Variants in DAB1 observed in about 807,000 individuals in gnomAD.
DAB1 encodes disabled homolog 1.
Under a neutral mutation model 64.6 loss-of-function variants are expected in DAB1, and 15 were observed. The ratio of observed to expected loss-of-function variants is 0.23; its 90% CI spans 0.16 to 0.36. The LOEUF (loss-of-function observed/expected upper bound fraction) is 0.36. Ranked by LOEUF, DAB1 falls within the 10% of genes least tolerant of loss-of-function variation. The probability of loss-of-function intolerance (pLI) is 1.00; values close to 1 mark genes in which losing one functional copy is unlikely to be tolerated. For missense variants in DAB1, 596 were observed against 706.7 expected (o/e 0.84, Z 1.78); for synonymous variants, 235 against 251.9 (o/e 0.93, Z 0.64).
At chr1:58,008,582 G>A (rs1041437076) in intron 5 of DAB1, among the ~76,000 whole-genome samples, 21 of 152,130 alleles carry the variant, frequency 1.4e-4, no homozygotes, top group East Asian at 3.9e-4. Flanking sequence ...CAATCATAGC[G>A]GTTCGGTGTG....
intron 1 of DAB1, among the ~76,000 whole-genome samples, chr1:57,848,304 T>A (rs1178139492): frequency 1.3e-5 from 2 of 152,214 alleles, no homozygotes; most frequent in African/African-American, 4.8e-5. Flanking sequence ...ATAGCACACA[T>A]GTGCACATGC....
chr1:57,002,168 A>G (rs1042947838), intron 14 of DAB1, among the ~76,000 whole-genome samples: 25 of 152,218 alleles, frequency 1.6e-4, no homozygotes, highest in African/African-American at 5.8e-4. Context: ...TAAAACCTAA[A>G]GCAAAATCCA....
At chr1:57,532,815 C>A (rs1036907496) in intron 7 of DAB1, among the ~76,000 whole-genome samples, 8 of 152,122 alleles carry the variant, frequency 5.3e-5, no homozygotes, top group Admixed American at 3.9e-4. Flanking sequence ...GGTAAAAGTG[C>A]CTAGCAAGAA....
chr1:57,426,874 A>ATTTTTTTTTT (rs34515405), upstream of DAB1, among the ~76,000 whole-genome samples: 16 of 149,182 alleles, frequency 1.1e-4, no homozygotes, highest in African/African-American at 4.0e-4. Flanking sequence ...ATATATATAT[A>ATTTTTTTTTT]TTTTTTTGAG....
At chr1:57,987,851 T>G (rs1306770487) in intron 5 of DAB1, among the ~76,000 whole-genome samples, 1 of 151,496 alleles carries the variant, frequency 6.6e-6, no homozygotes, top group Non-Finnish European at 1.5e-5. Context: ...TTTTTTGTTT[T>G]TTTTTTCAGG....
chr1:57,357,496 T>C (rs894919924), intron 1 of DAB1, among the ~76,000 whole-genome samples: 1 of 150,852 alleles, frequency 6.6e-6, no homozygotes, highest in Non-Finnish European at 1.5e-5. Context: ...ATGGTTTTCA[T>C]TGTAGAGATC....
intron 7 of DAB1, among the ~76,000 whole-genome samples, chr1:57,527,050 A>G (rs1558462645): frequency 6.6e-6 from 1 of 152,188 alleles, no homozygotes; most frequent in Non-Finnish European, 1.5e-5. Flanking sequence ...AAGACACAAA[A>G]GAGTTCTCTC....
chr1:57,627,477 T>C (rs1416628761), intron 7 of DAB1, among the ~76,000 whole-genome samples: 1 of 152,202 alleles, frequency 6.6e-6, no homozygotes, highest in Admixed American at 6.5e-5. Context: ...ACTAGACATG[T>C]GCTAAGGTCT....
chr1:57,110,950 A>G (rs973056664), intron 4 of DAB1, among the ~76,000 whole-genome samples: 1 of 151,876 alleles, frequency 6.6e-6, no homozygotes, highest in East Asian at 1.9e-4. Flanking sequence ...CAAGGCTTAT[A>G]TAAACAGAAA....
intron 4 of DAB1, among the ~76,000 whole-genome samples, chr1:58,314,720 A>C (rs531794577): frequency 6.6e-6 from 1 of 152,306 alleles, no homozygotes; most frequent in East Asian, 1.9e-4. Flanking sequence ...CTTTATATAG[A>C]TTATCTCACC....
At chr1:57,607,318 G>T (rs528908220) in intron 7 of DAB1, among the ~76,000 whole-genome samples, 48 of 152,230 alleles carry the variant, frequency 3.2e-4, no homozygotes, top group African/African-American at 1.1e-3. Context: ...TTCCCTACCA[G>T]TCACACATTT....
intron 2 of DAB1, among the ~76,000 whole-genome samples, chr1:58,514,884 T>C (rs756404774): frequency 2.6e-5 from 4 of 152,210 alleles, no homozygotes; most frequent in African/African-American, 4.8e-5. Context: ...TTACTGTCTA[T>C]GAGAGCTTTG....
At chr1:58,051,570 G>A (rs1647672016) in intron 5 of DAB1, among the ~76,000 whole-genome samples, 1 of 152,130 alleles carries the variant, frequency 6.6e-6, no homozygotes, top group South Asian at 2.1e-4. Context: ...CCCAGTAATG[G>A]GATTGCTGGG....
intron 5 of DAB1, among the ~76,000 whole-genome samples, chr1:58,129,533 CT>C (rs1237755289): frequency 7.7e-6 from 1 of 129,630 alleles, no homozygotes; most frequent in Non-Finnish European, 1.6e-5. Flanking sequence ...TTTTCTAGTT[CT>C]TTTAATTGTG....
chr1:57,896,972 G>T (rs560369768), intron 5 of DAB1, among the ~76,000 whole-genome samples: 1 of 152,182 alleles, frequency 6.6e-6, no homozygotes, highest in Non-Finnish European at 1.5e-5. Flanking sequence ...ATTCAAAGAT[G>T]CTATCTGGCC....
chr1:57,615,021 C>T (rs1165507697), intron 7 of DAB1, among the ~76,000 whole-genome samples: 2 of 151,866 alleles, frequency 1.3e-5, no homozygotes, highest in African/African-American at 2.4e-5. Context: ...AGGCACCCAC[C>T]ACCGCGCCTG....
chr1:57,261,763 A>G (rs777374782), intron 2 of DAB1, among the ~76,000 whole-genome samples: 17 of 152,168 alleles, frequency 1.1e-4, no homozygotes, highest in Non-Finnish European at 1.6e-4. Context: ...GTCAACGTCA[A>G]CCTCTAAAAT....
At chr1:58,262,774 G>C (rs745489973) in intron 4 of DAB1, among the ~76,000 whole-genome samples, 39 of 152,264 alleles carry the variant, frequency 2.6e-4, no homozygotes, top group Admixed American at 1.2e-3. Context: ...CCTCTGATTT[G>C]CTTAATCCAA....
At chr1:57,099,960 C>T (rs1376285461) in intron 4 of DAB1, among the ~76,000 whole-genome samples, 2 of 152,110 alleles carry the variant, frequency 1.3e-5, no homozygotes, top group African/African-American at 4.8e-5. Context: ...ACAGGTTGTC[C>T]AGGCAAATGG....
Sources: allele counts gnomAD v4.1 joint callset (sites outside exome capture counted in the v4.1 genomes callset), GRCh38; gene constraint gnomAD v4.1.1; transcripts MANE v1.5; gene names NCBI Gene and HGNC (gene_info 2026-07-23, HGNC 2026-07-21).